Variants in BBS9 observed in about 807,000 individuals in gnomAD.
The protein encoded by BBS9 is Bardet-Biedl syndrome 9, also known as protein PTHB1.
In BBS9, 89 loss-of-function variants were observed where a neutral mutation model predicts 117.7. The ratio of observed to expected loss-of-function variants is 0.76; its 90% confidence interval spans 0.64 to 0.90. The LOEUF is 0.90. Among genes scored for constraint, BBS9 ranks in the 40% least tolerant of loss-of-function variants. The pLI, the probability that BBS9 is intolerant of heterozygous loss-of-function variation, is 0.00. For synonymous variants in BBS9, 379 were observed against 370.9 expected (o/e 1.02, Z -0.25); for missense variants, 982 against 1,042.2 (o/e 0.94, Z 0.80).
intron 9 of BBS9, among the ~76,000 whole-genome samples, chr7:33,315,536 T>C (rs1436452402): frequency 1.3e-5 from 2 of 152,148 alleles, no homozygotes; most frequent in African/African-American, 4.8e-5. Flanking sequence ...CTGTAAAGTC[T>C]CATTACAAGG....
chr7:33,535,556 C>G (rs1311888857), intron 21 of BBS9, among the ~76,000 whole-genome samples: 1 of 152,090 alleles, frequency 6.6e-6, no homozygotes, highest in African/African-American at 2.4e-5. Flanking sequence ...ATAGTTCTGA[C>G]ATTGTTTGCC....
intron 1 of BBS9, among the ~76,000 whole-genome samples, chr7:33,144,190 G>T (rs542406460): frequency 6.6e-6 from 1 of 152,176 alleles, no homozygotes; most frequent in Non-Finnish European, 1.5e-5. Flanking sequence ...CACACAGGTT[G>T]CCTCTAGAGG....
intron 21 of BBS9, among the ~76,000 whole-genome samples, chr7:33,615,219 TAAA>T (rs1865070589): frequency 6.6e-6 from 1 of 151,948 alleles, no homozygotes; most frequent in Non-Finnish European, 1.5e-5. Flanking sequence ...CAAGGCATAC[TAAA>T]TGGCCAAAAA....
chr7:33,260,919 A>G (rs1393440699), intron 6 of BBS9, among the ~76,000 whole-genome samples: 1 of 152,200 alleles, frequency 6.6e-6, no homozygotes, highest in African/African-American at 2.4e-5. Context: ...TCACTAAGTA[A>G]ATAATCAGCC....
rs187076106 is a variant in BBS9 at position 33,248,461 on chromosome 7, T to C, written c.443-8775T>C. Among the ~76,000 whole-genome samples, 101 of 152,316 alleles carry C rather than the reference T, an allele frequency of 6.6e-4. 1 individual carries two copies. Among genetic ancestry groups the C allele is most frequent in the African/African-American group, 2.3e-3 (96 of 41,580 alleles). On this transcript the variant is annotated intron_variant, in intron 5 of 22. Transcript: ENST00000242067. Reference sequence around the variant, plus strand: ...ATTACCAATTATTAGTTACTAAGCATAGCCAAATAGTAGCATGATCTCAAA... The same window carrying C: ...ATTACCAATTATTAGTTACTAAGCACAGCCAAATAGTAGCATGATCTCAAA...
At chr7:33,133,053 G>C (rs1052572876) in intron 1 of BBS9, among the ~76,000 whole-genome samples, 7 of 152,058 alleles carry the variant, frequency 4.6e-5, no homozygotes, top group African/African-American at 1.7e-4. Flanking sequence ...GCCTCCCAAA[G>C]TGCTGGGATT....
At chr7:33,352,739 C>G (rs1411961976) in intron 14 of BBS9, 120 bp from the exon 15 acceptor site, 2 of 1,173,524 alleles carry the variant, frequency 1.7e-6, no homozygotes, top group Non-Finnish European at 2.5e-6. Flanking sequence ...CTGTGAGAAT[C>G]TTGAAATTTT....
chr7:33,550,538 A>G (rs1171436985), intron 21 of BBS9, among the ~76,000 whole-genome samples: 1 of 152,184 alleles, frequency 6.6e-6, no homozygotes, highest in East Asian at 1.9e-4. Flanking sequence ...AATAGGAGCA[A>G]CACTCTGCTT....
At chr7:33,593,701 A>G (rs1158311361) in intron 21 of BBS9, among the ~76,000 whole-genome samples, 1 of 152,102 alleles carries the variant, frequency 6.6e-6, no homozygotes, top group East Asian at 1.9e-4. Flanking sequence ...ATTCACCTAC[A>G]TATGGTAGGG....
chr7:33,378,080 A>G (rs1824229921), intron 17 of BBS9, among the ~76,000 whole-genome samples: 1 of 152,182 alleles, frequency 6.6e-6, no homozygotes, highest in Non-Finnish European at 1.5e-5. Flanking sequence ...CATCCTTATT[A>G]CCATTAGTAC....
intron 4 of BBS9, among the ~76,000 whole-genome samples, chr7:33,167,950 T>C (rs1308315148): frequency 6.6e-6 from 1 of 152,202 alleles, no homozygotes; most frequent in Non-Finnish European, 1.5e-5. Context: ...ATATGGCCTA[T>C]AATAACATAA....
At chr7:33,283,500 A>G (rs1345307) in intron 9 of BBS9, among the ~76,000 whole-genome samples, 2 of 152,056 alleles carry the variant, frequency 1.3e-5, no homozygotes, top group Non-Finnish European at 2.9e-5. Flanking sequence ...ATTCTCATTT[A>G]AAAAATTTAT....
At chr7:33,285,592 G>A (rs562162141) in intron 9 of BBS9, among the ~76,000 whole-genome samples, 195 of 152,192 alleles carry the variant, frequency 1.3e-3, no homozygotes, top group South Asian at 3.1e-3. Context: ...AGGTCTTTAT[G>A]AGATGACCCC....
chr7:33,535,430 C>T (rs1171210013), intron 21 of BBS9, among the ~76,000 whole-genome samples: 2 of 152,154 alleles, frequency 1.3e-5, no homozygotes, highest in Non-Finnish European at 2.9e-5. Context: ...GTTATGGATT[C>T]TATATTCTAT....
At chr7:33,257,851 A>G (rs1046760425) in intron 6 of BBS9, among the ~76,000 whole-genome samples, 14 of 152,228 alleles carry the variant, frequency 9.2e-5, no homozygotes, top group South Asian at 2.1e-4. Context: ...GAATTCTTTT[A>G]TAAGAAAAAA....
chr7:33,603,300 T>A (rs1310187143), intron 21 of BBS9, among the ~76,000 whole-genome samples: 2 of 152,096 alleles, frequency 1.3e-5, no homozygotes, highest in East Asian at 3.9e-4. Flanking sequence ...TTCTTTCTGC[T>A]CTTCCCTGTC....
intron 9 of BBS9, among the ~76,000 whole-genome samples, chr7:33,315,177 T>C (rs1479077816): frequency 6.6e-6 from 1 of 152,082 alleles, no homozygotes; most frequent in Non-Finnish European, 1.5e-5. Flanking sequence ...GAGGACAGAC[T>C]CCAAAATCAA....
chr7:33,355,538 TTAAGTA>T (rs1456624736), intron 15 of BBS9, among the ~76,000 whole-genome samples: 2 of 152,076 alleles, frequency 1.3e-5, no homozygotes, highest in African/African-American at 4.8e-5. Context: ...AATCATTTTA[TTAAGTA>T]TGAGTGTCAT....
At chr7:33,129,334 T>C (rs1380672359), upstream of BBS9, 5 of 532,426 alleles carry the variant, frequency 9.4e-6, no homozygotes, top group East Asian at 9.4e-5. Context: ...GGGTCTTCCT[T>C]AAGGAACTGC....
Sources: allele counts gnomAD v4.1 joint callset (sites outside exome capture counted in the v4.1 genomes callset), GRCh38; gene constraint gnomAD v4.1.1; transcripts MANE v1.5; gene names NCBI Gene and HGNC (gene_info 2026-07-23, HGNC 2026-07-21).